The following FLT1 variants were observed in gnomAD, a reference collection of about 807,000 sequenced individuals.
FLT1 encodes fms related receptor tyrosine kinase 1.
In FLT1, 49 loss-of-function variants were observed where a neutral mutation model predicts 156.3. The ratio of observed to expected loss-of-function variants is 0.31; its 90% CI spans 0.25 to 0.40. The LOEUF is 0.40. Among genes scored for constraint, FLT1 ranks in the 10% least tolerant of loss-of-function variants. FLT1 has a pLI of 1.00. For missense variants in FLT1, 1,322 were observed against 1,637.2 expected (o/e 0.81, Z 3.32); for synonymous variants, 594 against 583.8 (o/e 1.02, Z -0.25).
chr13:28,315,748 A>T (rs780879507), intron 25 of FLT1, among the ~76,000 whole-genome samples: 1 of 152,218 alleles, frequency 6.6e-6, no homozygotes, highest in East Asian at 1.9e-4. Flanking sequence ...GATTGGAAGG[A>T]CATATTTAAT....
intron 1 of FLT1, among the ~76,000 whole-genome samples, chr13:28,480,891 A>G (rs1037746702): frequency 3.3e-5 from 5 of 152,206 alleles, no homozygotes; most frequent in African/African-American, 1.2e-4. Context: ...ACGGAAGACG[A>G]CCGGGGTGGA....
intron 28 of FLT1, 137 bp downstream of exon 28, chr13:28,308,706 C>A (rs1338418896): frequency 1.4e-6 from 1 of 713,154 alleles, no homozygotes; most frequent in Admixed American, 2.0e-5. Flanking sequence ...CAGTCCTCCC[C>A]ACACTGTCAT....
intron 19 of FLT1, 33 bp downstream of exon 19, chr13:28,329,582 G>T: frequency 2.1e-6 from 3 of 1,440,454 alleles, no homozygotes; most frequent in East Asian, 2.3e-5. Context: ...CTGTGCAGGG[G>T]GAGACGGAGC....
At chr13:28,346,972 G>T (rs1447502643) in intron 15 of FLT1, among the ~76,000 whole-genome samples, 1 of 152,078 alleles carries the variant, frequency 6.6e-6, no homozygotes, top group Admixed American at 6.6e-5. Flanking sequence ...CAAGGTTAGG[G>T]GCCGGAGGAG....
At chr13:28,329,785 G>T in intron 18 of FLT1, 57 bp from the exon 19 acceptor site, 1 of 1,405,930 alleles carries the variant, frequency 7.1e-7, no homozygotes. Flanking sequence ...CCTTCCGCCG[G>T]AGGCGGCATT....
intron 1 of FLT1, among the ~76,000 whole-genome samples, chr13:28,474,507 C>CACACACACACACACAG (rs1555245768): frequency 4.0e-5 from 6 of 150,594 alleles, no homozygotes; most frequent in African/African-American, 1.5e-4. Flanking sequence ...CACACACACA[C>CACACACACACACACAG]ACACACACAC....
intron 1 of FLT1, among the ~76,000 whole-genome samples, chr13:28,488,913 G>C (rs1038479150): frequency 6.6e-6 from 1 of 152,192 alleles, no homozygotes; most frequent in African/African-American, 2.4e-5. Flanking sequence ...GAGAGGGCAA[G>C]AAAGTCAAAC....
At chr13:28,464,117 ATAT>A (rs756415371) in intron 3 of FLT1, among the ~76,000 whole-genome samples, 9 of 152,212 alleles carry the variant, frequency 5.9e-5, no homozygotes, top group Non-Finnish European at 1.2e-4. Flanking sequence ...TGGTCTCATA[ATAT>A]TATCATAACA....
chr13:28,395,342 A>G (rs1446749057), intron 12 of FLT1, among the ~76,000 whole-genome samples: 1 of 152,108 alleles, frequency 6.6e-6, no homozygotes, highest in Non-Finnish European at 1.5e-5. Flanking sequence ...CTTCCTGTTC[A>G]GGTCCTGCTT....
intron 3 of FLT1, among the ~76,000 whole-genome samples, chr13:28,465,938 G>A (rs1879823768): frequency 6.6e-6 from 1 of 152,166 alleles, no homozygotes; most frequent in African/African-American, 2.4e-5. Context: ...CTCACCAGAA[G>A]GTAGACCCAC....
chr13:28,446,126 T>C (rs550212828), intron 3 of FLT1, among the ~76,000 whole-genome samples: 1 of 152,150 alleles, frequency 6.6e-6, no homozygotes, highest in Non-Finnish European at 1.5e-5. Context: ...ATGAAAACAC[T>C]CAGGAAAATG....
intron 3 of FLT1, chr13:28,466,695 C>T (rs1232410589): frequency 7.6e-6 from 5 of 658,086 alleles, no homozygotes; most frequent in Non-Finnish European, 2.8e-6. Context: ...CAGTCTCTCT[C>T]TTTGTGGAGC....
At chr13:28,401,337 G>A (rs542552132) in intron 11 of FLT1, among the ~76,000 whole-genome samples, 3 of 152,284 alleles carry the variant, frequency 2.0e-5, no homozygotes, top group East Asian at 3.9e-4. Flanking sequence ...GGATTTACAT[G>A]TTAGAGACAG....
At chr13:28,492,889 A>G (rs1881546554) in intron 1 of FLT1, among the ~76,000 whole-genome samples, 1 of 152,198 alleles carries the variant, frequency 6.6e-6, no homozygotes, top group Admixed American at 6.5e-5. Context: ...GTTAACTGTT[A>G]GGTAAAGAGG....
intron 1 of FLT1, among the ~76,000 whole-genome samples, chr13:28,471,105 C>T (rs1880152745): frequency 6.6e-6 from 1 of 151,450 alleles, no homozygotes; most frequent in African/African-American, 2.4e-5. Context: ...TTAAAAGACA[C>T]TGACAAAAAT....
At chr13:28,456,053 C>T (rs77374137) in intron 3 of FLT1, among the ~76,000 whole-genome samples, 10,939 of 152,228 alleles carry the variant, frequency 0.072, 639 homozygotes, top group Admixed American at 0.18. Context: ...CTTTGGAAGA[C>T]GGTTTGGCAG....
In FLT1 at chr13:28,339,230, T is replaced by C. The variant is rs1872237299; in HGVS notation, c.2426A>G (p.Gln809Arg). ...GGCATCATAAGGGAGCCGCTCACACTGCTCATCCAAAGGAACTTCATCTGG... is the reference window on the plus strand; with the variant it reads ...GGCATCATAAGGGAGCCGCTCACACCGCTCATCCAAAGGAACTTCATCTGG... Reference protein sequence around the residue: ...MDPDEVPLDEQCERLPYDASK... With the variant: ...MDPDEVPLDERCERLPYDASK... The change falls in exon 17 of 30, where the codon CAG becomes CGG. Residue 809 changes from glutamine (Q) to arginine (R), a missense_variant. By Grantham distance (43) the Gln-to-Arg change is conservative. Coordinates refer to ENST00000282397, the MANE Select transcript of FLT1 (RefSeq NM_002019.4). The C allele has an allele frequency of 6.8e-6, 11 of 1,614,010 alleles. No homozygotes were observed. The East Asian group carries it at 2.2e-4, about 33-fold the overall frequency.
intron 3 of FLT1, among the ~76,000 whole-genome samples, chr13:28,445,920 A>C (rs1310245837): frequency 6.6e-6 from 1 of 152,234 alleles, no homozygotes; most frequent in East Asian, 1.9e-4. Context: ...AAGTACTAGC[A>C]AACTGAATTC....
At chr13:28,410,229 T>C (rs1187007043) in intron 10 of FLT1, among the ~76,000 whole-genome samples, 1 of 152,218 alleles carries the variant, frequency 6.6e-6, no homozygotes, top group Non-Finnish European at 1.5e-5. Context: ...AGCTCAGAGC[T>C]GGTACTTTCT....
Sources: allele counts gnomAD v4.1 joint callset (sites outside exome capture counted in the v4.1 genomes callset), GRCh38; gene constraint gnomAD v4.1.1; transcripts MANE v1.5; gene names NCBI Gene and HGNC (gene_info 2026-07-23, HGNC 2026-07-21).